The following CCNJL variants were observed in gnomAD, a reference collection of about 807,000 sequenced individuals.
CCNJL encodes the protein cyclin J like.
In CCNJL, 33 loss-of-function variants were observed where a neutral mutation model predicts 33.4. That is an observed-to-expected ratio of 0.99 (90% CI 0.75 to 1.32). CCNJL has a LOEUF of 1.32. CCNJL is among the 40% of genes most tolerant of loss of function. The pLI is 0.00. For synonymous variants in CCNJL, 227 were observed against 220.9 expected (o/e 1.03, Z -0.24); for missense variants, 512 against 499.7 (o/e 1.02, Z -0.23).
At chr5:160,271,922 T>C (rs939750319) in intron 3 of CCNJL, among the ~76,000 whole-genome samples, 1 of 152,254 alleles carries the variant, frequency 6.6e-6, no homozygotes, top group African/African-American at 2.4e-5. Flanking sequence ...AATTATCTCC[T>C]GCAAGGGCGC....
rs1760778139 is a variant in CCNJL, at chr5:160,250,632, T to C, written c.*2746A>G. 6.6e-6 allele frequency: 1 copy of C among 152,228 alleles called. No homozygotes were observed. Among genetic ancestry groups the C allele is most frequent in the South Asian group, 2.1e-4 (1 of 4,834 alleles). The allele number at this position is 152,228 out of a possible 1,614,324, so 9.4% of individuals were successfully genotyped here. A position where few individuals can be genotyped will look rare whatever the true frequency, so the allele number is the denominator to read the frequency against. Reference sequence around the variant, plus strand: ...TTCAAGGAGGAGTACGAATCTGACATTTTTCATAACAGCTGATGCTATATC... The same window carrying C: ...TTCAAGGAGGAGTACGAATCTGACACTTTTCATAACAGCTGATGCTATATC... On this transcript the variant is annotated 3_prime_UTR_variant, in exon 6 of 6. Coordinates refer to ENST00000257536, the MANE Select transcript of CCNJL (RefSeq NM_001308173.3).
chr5:160,310,199 C>T (rs931948570), intron 2 of CCNJL, among the ~76,000 whole-genome samples: 3 of 152,188 alleles, frequency 2.0e-5, no homozygotes, highest in African/African-American at 7.2e-5. Flanking sequence ...TCACTAGCTC[C>T]ATTCAGCCAC....
rs1561812767 is a variant in CCNJL at position 160,321,018 on chromosome 5, CTTTCTTTCTTTCTTTCTTTCTT to C, written n.207-5535_207-5514del. Among the ~76,000 whole-genome samples the C allele has an allele frequency of 7.1e-3, 140 of 19,740 alleles. 2 individuals are homozygous for C. Among genetic ancestry groups the C allele is most frequent in the Middle Eastern group, 0.016 (1 of 62 alleles). 13.0% of individuals were successfully genotyped at this position (19,740 alleles called of 152,430 possible). On this transcript the variant is annotated intron_variant and non_coding_transcript_variant, in intron 1 of 7. Coordinates refer to the CCNJL transcript ENST00000377503. ...TCTTTCTCTCTCTCTCTCTCTCTTT[CTTTCTTTCTTTCTTTCTTTCTT>C]TCTTTCTTTCTTTCTTTCTTTCTTT...
At chr5:160,317,714 A>G (rs758822795), upstream of CCNJL, among the ~76,000 whole-genome samples, 1 of 152,196 alleles carries the variant, frequency 6.6e-6, no homozygotes, top group African/African-American at 2.4e-5. Flanking sequence ...AGAAGGTGTT[A>G]TCAGTTTCTG....
rs1317085765 is a variant in CCNJL, at chr5:160,250,876, A to C, written c.*2502T>G. ...GGAGGTACTGGCCTTGATGTACATT[A>C]TGTTATTTAATCCTCTTAAGAACCC... is the stretch of plus-strand genomic sequence containing the variant. On this transcript the variant is annotated 3_prime_UTR_variant, in exon 6 of 6. Coordinates refer to ENST00000257536, the MANE Select transcript of CCNJL (RefSeq NM_001308173.3). The C allele has an allele frequency of 6.6e-6, 1 of 152,292 alleles. No homozygotes were observed. Among genetic ancestry groups the C allele is most frequent in the East Asian group, 1.9e-4 (1 of 5,176 alleles). The allele number at this position is 152,292 out of a possible 1,614,324, so 9.4% of individuals were successfully genotyped here. A position where few individuals can be genotyped will look rare whatever the true frequency, so the allele number is the denominator to read the frequency against.
Position 160,295,745 on chromosome 5 carries a change from T to C in CCNJL, c.67-15007A>G, listed in dbSNP as rs529349182. ...TAAAATGCCAGCTGCTGCCAAATGATAGAAGAGCAAGGAAGGACCTTCCCC... is the reference window on the plus strand; with the variant it reads ...TAAAATGCCAGCTGCTGCCAAATGACAGAAGAGCAAGGAAGGACCTTCCCC... On this transcript the variant is annotated intron_variant, in intron 2 of 5. Transcript: ENST00000257536. Among the ~76,000 whole-genome samples, 9 of 152,270 alleles carry C rather than the reference T, an allele frequency of 5.9e-5. No homozygotes were observed. In the South Asian group the frequency reaches 1.2e-3, roughly 21 times the overall value.
In CCNJL at chr5:160,279,331, T is replaced by C. The variant is rs184126222; in HGVS notation, c.280+1194A>G. On this transcript the variant is annotated intron_variant, in intron 3 of 5. Transcript: ENST00000257536. ...AATACCAGATGTCAAAGAAATGTCC[T>C]AATTGTACCTGGCCACTTTGAGCCT... Among the ~76,000 whole-genome samples, 29 of 152,366 alleles carry C rather than the reference T, an allele frequency of 1.9e-4. 1 individual carries two copies. Among genetic ancestry groups the C allele is most frequent in the Admixed American group, 1.8e-3 (28 of 15,310 alleles).
intron 1 of CCNJL, among the ~76,000 whole-genome samples, chr5:160,320,771 CTTTCT>C (rs1763430339): frequency 6.7e-6 from 1 of 149,266 alleles, no homozygotes; most frequent in African/African-American, 2.6e-5. Context: ...TCTTTTCTTT[CTTTCT>C]TTTCTTTCTT....
intron 2 of CCNJL, among the ~76,000 whole-genome samples, chr5:160,308,026 C>T (rs1028139705): frequency 6.6e-6 from 1 of 152,186 alleles, no homozygotes; most frequent in African/African-American, 2.4e-5. Flanking sequence ...TAGTCCCTTT[C>T]CTGACTTCAA....
intron 4 of CCNJL, chr5:160,258,501 A>AT (rs1761170696): frequency 7.0e-7 from 1 of 1,434,882 alleles, no homozygotes; most frequent in South Asian, 1.1e-5. Flanking sequence ...AGTGGACCAA[A>AT]TATGAAGAGG....
At chr5:160,333,510 G>A (rs771849772) in intron 1 of CCNJL, among the ~76,000 whole-genome samples, 8 of 151,376 alleles carry the variant, frequency 5.3e-5, no homozygotes, top group Non-Finnish European at 7.4e-5. Context: ...AGGATTGTTT[G>A]AGCCTAGGAG....
rs372128997 is a variant in CCNJL, at chr5:160,311,912, C to A, written c.12G>T (p.Glu4Asp). Residue 4 changes from glutamate (E) to aspartate (D), a missense_variant, in exon 2 of 6, where the codon GAG (glutamate) becomes GAT (aspartate). Glu to Asp is a conservative substitution (Grantham distance 45). Coordinates refer to ENST00000257536, the MANE Select transcript of CCNJL (RefSeq NM_001308173.3). ...AGGCGACGCGCCCTTCCCACCACGG[C>A]TCATCCATCATCGCGTACGCAGCGC... MMD[E>D]PWWEGRVASD... The A allele has an allele frequency of 3.1e-6, 5 of 1,614,160 alleles. No homozygotes were observed. In the South Asian group the frequency reaches 5.5e-5, roughly 18 times the overall value.
chr5:160,266,349 T>C (rs1761586843), intron 3 of CCNJL, among the ~76,000 whole-genome samples: 1 of 152,254 alleles, frequency 6.6e-6, no homozygotes, highest in Non-Finnish European at 1.5e-5. Context: ...AATGCTTTTT[T>C]CTCTCAGATT....
Position 160,311,867 on chromosome 5 carries a change from C to G in CCNJL, c.57G>C (p.Leu19=). 6 of 1,614,126 alleles carry G rather than the reference C, an allele frequency of 3.7e-6. No homozygotes were observed. Among genetic ancestry groups the G allele is most frequent in the East Asian group, 4.5e-5 (2 of 44,882 alleles). The change falls in exon 2 of 6, where the codon CTG becomes CTC. Residue 19 remains leucine, a synonymous_variant. Coordinates refer to ENST00000257536, the MANE Select transcript of CCNJL (RefSeq NM_001308173.3). The part of the protein sequence containing the change: ...GRVASDVHCT[L]REKELKLPTF... ...GCAGGGAGGGACTGACCTTCTCGCG[C>G]AGGGTGCAGTGGACGTCCGAGGCGA...
intron 2 of CCNJL, among the ~76,000 whole-genome samples, chr5:160,288,877 A>T (rs1188234859): frequency 6.6e-6 from 1 of 150,628 alleles, no homozygotes; most frequent in African/African-American, 2.4e-5. Context: ...ATATTCCCTC[A>T]CTTAGAAGGA....
At chr5:160,263,417 C>T (rs531423251) in intron 3 of CCNJL, among the ~76,000 whole-genome samples, 2 of 152,312 alleles carry the variant, frequency 1.3e-5, no homozygotes, top group Admixed American at 6.5e-5. Context: ...AAACTAGGTT[C>T]ACACATGGAG....
rs766467769 is a variant in CCNJL, at chr5:160,259,751, C to G, written c.301G>C (p.Asp101His). ...ATTTGCTCCAACTTGGGGACGTGGTCTTCCCGATCCTCGAACTTACCTGTC... is the reference window on the plus strand; with the variant it reads ...ATTTGCTCCAACTTGGGGACGTGGTGTTCCCGATCCTCGAACTTACCTGTC... ...LLASKFEDRE[D>H]HVPKLEQINS... Residue 101 changes from aspartate (D) to histidine (H), a missense_variant, in exon 4 of 6, where the codon GAC becomes CAC. Asp to His is a moderately conservative substitution (Grantham distance 81, BLOSUM62 -1). Transcript: ENST00000257536. 1.2e-6 allele frequency: 2 copies of G among 1,609,672 alleles called. No individual in the cohort carries two copies. The highest frequency in any genetic ancestry group is 3.3e-5 in the Admixed American group (2 of 59,874).
intron 3 of CCNJL, among the ~76,000 whole-genome samples, chr5:160,280,086 G>C (rs892402240): frequency 1.3e-5 from 2 of 152,202 alleles, no homozygotes; most frequent in Non-Finnish European, 2.9e-5. Context: ...CTTATGAACA[G>C]TGGTTGCTAG....
intron 1 of CCNJL, among the ~76,000 whole-genome samples, chr5:160,336,839 T>C (rs1346959315): frequency 2.0e-5 from 3 of 151,984 alleles, no homozygotes; most frequent in Admixed American, 1.3e-4. Context: ...ACAGGCCACA[T>C]CCAAATACTC....
Sources: gnomAD v4.1 joint callset for allele counts (sites outside exome capture counted in the v4.1 genomes callset) on GRCh38, gnomAD v4.1.1 for gene constraint, MANE v1.5 for transcripts, NCBI Gene and HGNC (gene_info 2026-07-23, HGNC 2026-07-21) for gene names.